LRRTM4: variants seen among roughly 807,000 people sequenced by gnomAD.
LRRTM4 encodes leucine-rich repeat transmembrane neuronal protein 4.
LRRTM4 carries 25 observed loss-of-function variants against 47.6 expected under a neutral mutation model. The ratio of observed to expected loss-of-function variants is 0.53; its 90% CI spans 0.38 to 0.73. The LOEUF (loss-of-function observed/expected upper bound fraction) is 0.73. Among genes scored for constraint, LRRTM4 ranks in the 30% least tolerant of loss-of-function variants. The pLI, the probability that LRRTM4 is intolerant of heterozygous loss-of-function variation, is 0.00. For synonymous variants in LRRTM4, 311 were observed against 269.5 expected (o/e 1.15, Z -1.51); for missense variants, 638 against 713.4 (o/e 0.89, Z 1.20).
chr2:77,218,973 G>A (rs111565921), intron 3 of LRRTM4, among the ~76,000 whole-genome samples: 6 of 152,282 alleles, frequency 3.9e-5, no homozygotes, highest in South Asian at 4.1e-4. Context: ...GTCATGATAC[G>A]TGCTAGGCGC....
intron 3 of LRRTM4, among the ~76,000 whole-genome samples, chr2:76,935,491 A>T (rs922169078): frequency 6.6e-5 from 10 of 152,038 alleles, no homozygotes; most frequent in African/African-American, 2.2e-4. Context: ...GAGCATGGAA[A>T]GTTTTTCCAT....
At chr2:76,955,726 C>T (rs1261620882) in intron 3 of LRRTM4, among the ~76,000 whole-genome samples, 1 of 151,700 alleles carries the variant, frequency 6.6e-6, no homozygotes. Flanking sequence ...TGCAGGATCT[C>T]ACCTTTCACT....
At chr2:77,467,467 G>A (rs1677024095) in intron 3 of LRRTM4, among the ~76,000 whole-genome samples, 1 of 152,076 alleles carries the variant, frequency 6.6e-6, no homozygotes. Flanking sequence ...CTGGATGCTT[G>A]GATGAAATTC....
At chr2:76,868,833 T>C (rs1573233417) in intron 3 of LRRTM4, among the ~76,000 whole-genome samples, 1 of 152,120 alleles carries the variant, frequency 6.6e-6, no homozygotes, top group African/African-American at 2.4e-5. Context: ...CAGTCTTTTT[T>C]TACCCCAATA....
At chr2:77,077,955 CAAA>C (rs1003227645) in intron 3 of LRRTM4, among the ~76,000 whole-genome samples, 1 of 152,106 alleles carries the variant, frequency 6.6e-6, no homozygotes, top group Non-Finnish European at 1.5e-5. Flanking sequence ...AAGAGAGACA[CAAA>C]GAAGTAATTT....
intron 3 of LRRTM4, among the ~76,000 whole-genome samples, chr2:77,078,129 A>G (rs1202963440): frequency 6.6e-6 from 1 of 152,186 alleles, no homozygotes; most frequent in Admixed American, 6.5e-5. Flanking sequence ...CTTTTGCTTT[A>G]AAGCAATAAG....
chr2:77,488,995 A>G (rs1024471213), intron 3 of LRRTM4, among the ~76,000 whole-genome samples: 4 of 3,912 alleles, frequency 1.0e-3, no homozygotes, highest in Non-Finnish European at 1.3e-3. Context: ...AACTTAAAGT[A>G]TAATAATAAT....
At chr2:76,812,797 CCCT>C (rs1391405171) in intron 3 of LRRTM4, among the ~76,000 whole-genome samples, 46 of 71,244 alleles carry the variant, frequency 6.5e-4, no homozygotes, top group Middle Eastern at 6.4e-3. Context: ...TCCCTCCCCC[CCCT>C]CCTCCTCCTT....
chr2:77,133,554 G>T (rs1172245898), intron 3 of LRRTM4, among the ~76,000 whole-genome samples: 1 of 152,080 alleles, frequency 6.6e-6, no homozygotes, highest in Non-Finnish European at 1.5e-5. Flanking sequence ...ATACCATTTG[G>T]ACTTCATCCA....
At chr2:77,094,280 GA>G (rs1328766719) in intron 3 of LRRTM4, among the ~76,000 whole-genome samples, 1 of 152,058 alleles carries the variant, frequency 6.6e-6, no homozygotes, top group Non-Finnish European at 1.5e-5. Context: ...ATAAATTAAA[GA>G]AGACATAAAT....
intron 3 of LRRTM4, among the ~76,000 whole-genome samples, chr2:77,153,862 A>G (rs1419586500): frequency 6.6e-6 from 1 of 152,160 alleles, no homozygotes; most frequent in Non-Finnish European, 1.5e-5. Flanking sequence ...GTCCCTAGTG[A>G]AAAAGAAACT....
intron 3 of LRRTM4, among the ~76,000 whole-genome samples, chr2:76,866,851 GTA>G (rs925011455): frequency 2.1e-4 from 32 of 152,176 alleles, no homozygotes; most frequent in African/African-American, 6.5e-4. Flanking sequence ...AATCCTTTGG[GTA>G]TATACCCAGT....
intron 3 of LRRTM4, among the ~76,000 whole-genome samples, chr2:76,903,134 G>T (rs1673699423): frequency 6.6e-6 from 1 of 152,116 alleles, no homozygotes; most frequent in African/African-American, 2.4e-5. Flanking sequence ...CACTTTGGGA[G>T]GCCAAGGTGG....
At chr2:77,193,580 C>A (rs1043375360) in intron 3 of LRRTM4, among the ~76,000 whole-genome samples, 4 of 151,454 alleles carry the variant, frequency 2.6e-5, no homozygotes, top group African/African-American at 4.9e-5. Context: ...GAAGCCGAGG[C>A]GGGCAGATCA....
intron 3 of LRRTM4, among the ~76,000 whole-genome samples, chr2:77,020,824 A>G (rs1296165393): frequency 6.6e-6 from 1 of 152,210 alleles, no homozygotes; most frequent in African/African-American, 2.4e-5. Flanking sequence ...TCCATGTCCA[A>G]GGAACAGAAG....
rs1292083909 is a variant in LRRTM4 at position 76,788,980 on chromosome 2, A to C, written c.1552-40064T>G. Among the ~76,000 whole-genome samples, 4 of 152,330 alleles carry C rather than the reference A, an allele frequency of 2.6e-5. No homozygotes were observed. The East Asian group carries it at 7.7e-4, about 29-fold the overall frequency. On this transcript the variant is annotated intron_variant, in intron 3 of 3. Transcript: ENST00000409884. ...TGTACAGATGAGAAAGCTGAGTCTT[A>C]GAGACATAAAACTTACACTGAGTTA...
intron 3 of LRRTM4, among the ~76,000 whole-genome samples, chr2:77,457,134 G>C (rs1676595301): frequency 6.9e-6 from 1 of 145,960 alleles, no homozygotes; most frequent in East Asian, 2.1e-4. Flanking sequence ...AAAAATACTA[G>C]TTATAGGCTA....
In LRRTM4 at chr2:76,946,476, C is replaced by T. The variant is rs371296982; in HGVS notation, c.1552-197560G>A. 1.4e-4 allele frequency among the ~76,000 whole-genome samples: 21 copies of T among 151,768 alleles called. No individual in the cohort carries two copies. The East Asian group carries it at 2.3e-3, about 17-fold the overall frequency. ...AAGGTGTCCAGTACTCCGACTTGTG[C>T]TTGGAAATGATGCTATAGACTAGAT... On this transcript the variant is annotated intron_variant, in intron 3 of 3. Coordinates refer to ENST00000409884, the MANE Select transcript of LRRTM4 (RefSeq NM_001134745.3).
intron 3 of LRRTM4, among the ~76,000 whole-genome samples, chr2:77,074,920 TC>T (rs10710087): frequency 0.4 from 60,798 of 151,938 alleles, 14,239 homozygotes; most frequent in East Asian, 0.68. Context: ...TCACTTTTTT[TC>T]CAAGATAACA....
Sources: allele counts gnomAD v4.1 joint callset (sites outside exome capture counted in the v4.1 genomes callset), GRCh38; gene constraint gnomAD v4.1.1; transcripts MANE v1.5; gene names NCBI Gene and HGNC (gene_info 2026-07-23, HGNC 2026-07-21).